MALRD1: variants seen among roughly 807,000 people sequenced by gnomAD.
MALRD1 encodes MAM and LDL-receptor class A domain-containing protein 1.
MALRD1 carries 247 observed loss-of-function variants against 242.1 expected under a neutral mutation model. The ratio of observed to expected loss-of-function variants is 1.02; its 90% CI spans 0.92 to 1.13. The LOEUF (loss-of-function observed/expected upper bound fraction) is 1.13, where lower values mean the gene tolerates loss of function less well. Among genes scored for constraint, MALRD1 ranks in the 50% most tolerant of loss-of-function variants. MALRD1 has a pLI of 0.00. For synonymous variants in MALRD1, 995 were observed against 866.6 expected (o/e 1.15, Z -2.60); for missense variants, 2,989 against 2,533.1 (o/e 1.18, Z -3.86).
intron 26 of MALRD1, among the ~76,000 whole-genome samples, chr10:19,381,359 G>A (rs11814406): frequency 0.1 from 15,788 of 151,568 alleles, 879 homozygotes; most frequent in East Asian, 0.17. Flanking sequence ...GAATAATGCC[G>A]CAATAAACAT....
At chr10:19,073,519 T>G (rs779510013) in intron 2 of MALRD1, among the ~76,000 whole-genome samples, 1 of 152,138 alleles carries the variant, frequency 6.6e-6, no homozygotes, top group African/African-American at 2.4e-5. Flanking sequence ...CTGACGCCTT[T>G]GGTTTCTGAT....
chr10:19,323,906 C>T lies in MALRD1; in HGVS notation c.3420-43C>T, dbSNP rs184077778. On this transcript the variant is annotated intron_variant, in intron 21 of 39. Transcript: ENST00000454679. ...GATTACAGGCGTGAGCCACCGTGCC[C>T]GGCCTCTTATTCCTTTTATAATATG... The T allele has an allele frequency of 1.1e-3, 1,655 of 1,537,816 alleles. 5 individuals carry two copies. Among genetic ancestry groups the T allele is most frequent in the Non-Finnish European group, 1.3e-3 (1,432 of 1,137,234 alleles).
At chr10:19,367,759 T>G (rs1845169425) in intron 26 of MALRD1, among the ~76,000 whole-genome samples, 1 of 152,238 alleles carries the variant, frequency 6.6e-6, no homozygotes, top group Middle Eastern at 3.4e-3. Context: ...CTCTGCATTC[T>G]CACCAGTATT....
At chr10:19,283,550 C>T (rs1840931829) in intron 21 of MALRD1, among the ~76,000 whole-genome samples, 1 of 152,142 alleles carries the variant, frequency 6.6e-6, no homozygotes, top group Non-Finnish European at 1.5e-5. Context: ...CCCATTTCCT[C>T]TTCTTCAGCC....
Position 19,217,018 on chromosome 10 carries a change from T to C in MALRD1, c.2991+7338T>C, listed in dbSNP as rs78491247. Among the ~76,000 whole-genome samples, 2,327 of 152,162 alleles carry C rather than the reference T, an allele frequency of 0.015. 103 individuals carry two copies. The East Asian group carries it at 0.18, about 12-fold the overall frequency. On this transcript the variant is annotated intron_variant, in intron 18 of 39. Coordinates refer to ENST00000454679, the MANE Select transcript of MALRD1 (RefSeq NM_001142308.3). ...AGAGGCCAAACCAATGGCTCTTATA[T>C]ACACGTTCTTTCTTCTAAATGATTT...
intron 38 of MALRD1, among the ~76,000 whole-genome samples, chr10:19,699,318 G>T (rs1833514959): frequency 6.6e-6 from 1 of 151,756 alleles, no homozygotes; most frequent in African/African-American, 2.4e-5. Flanking sequence ...AGGAGGGAAA[G>T]GAGGGAAAGG....
intron 29 of MALRD1, among the ~76,000 whole-genome samples, chr10:19,469,251 C>T (rs1416431931): frequency 4.6e-5 from 7 of 152,078 alleles, no homozygotes; most frequent in African/African-American, 1.7e-4. Flanking sequence ...ACAAAGTAAG[C>T]ATATTACCTG....
chr10:19,719,199 T>TATACACAC (rs1564567216), intron 38 of MALRD1, among the ~76,000 whole-genome samples: 905 of 31,678 alleles, frequency 0.029, 41 homozygotes, highest in African/African-American at 0.12. Context: ...TACATACATA[T>TATACACAC]ATATATATAT....
chr10:19,420,322 G>A (rs1192625978), intron 28 of MALRD1, among the ~76,000 whole-genome samples: 5 of 151,970 alleles, frequency 3.3e-5, no homozygotes, highest in African/African-American at 9.7e-5. Flanking sequence ...GGGTGGAGCC[G>A]GTAATCGAAA....
chr10:19,587,967 C>T (rs1837528000), intron 33 of MALRD1, among the ~76,000 whole-genome samples: 1 of 146,692 alleles, frequency 6.8e-6, no homozygotes, highest in African/African-American at 2.5e-5. Flanking sequence ...TAGTAGAAAA[C>T]AAAAATGGCA....
At chr10:19,608,048 G>C (rs1838721639) in intron 35 of MALRD1, 146 bp downstream of exon 35, 1 of 1,122,524 alleles carries the variant, frequency 8.9e-7, no homozygotes, top group Non-Finnish European at 1.2e-6. Flanking sequence ...CAGAAAGAAT[G>C]TTGACATTAA....
intron 31 of MALRD1, among the ~76,000 whole-genome samples, chr10:19,510,036 G>C (rs183529513): frequency 2.2e-4 from 33 of 152,282 alleles, no homozygotes; most frequent in Middle Eastern, 3.4e-3. Context: ...CAGGACAATA[G>C]GGTAATAGTG....
At chr10:19,498,424 A>G in intron 30 of MALRD1, 61 bp from the exon 31 acceptor site, 2 of 1,395,670 alleles carry the variant, frequency 1.4e-6, no homozygotes, top group Non-Finnish European at 1.9e-6. Flanking sequence ...TCCCAAATAT[A>G]GGGTAGTAGC....
intron 36 of MALRD1, among the ~76,000 whole-genome samples, chr10:19,638,556 C>T (rs747637085): frequency 2.0e-5 from 3 of 152,128 alleles, no homozygotes; most frequent in Non-Finnish European, 4.4e-5. Context: ...AATGGTAGTA[C>T]TGCAAGCAGG....
chr10:19,612,889 C>G (rs572817940), intron 35 of MALRD1, among the ~76,000 whole-genome samples: 3 of 152,110 alleles, frequency 2.0e-5, no homozygotes, highest in South Asian at 4.2e-4. Context: ...CTAGGCCCCA[C>G]CTCTAACACT....
chr10:19,173,557 A>T (rs1364420864), intron 13 of MALRD1, among the ~76,000 whole-genome samples: 1 of 152,138 alleles, frequency 6.6e-6, no homozygotes, highest in Non-Finnish European at 1.5e-5. Context: ...CAACTCATGG[A>T]ATTTTCCTCT....
intron 24 of MALRD1, among the ~76,000 whole-genome samples, chr10:19,334,471 TG>T (rs1202715435): frequency 6.6e-6 from 1 of 151,114 alleles, no homozygotes; most frequent in African/African-American, 2.4e-5. Flanking sequence ...AGATGATAAG[TG>T]TTAACTTTGG....
chr10:19,272,742 CTTG>C (rs1424668116), intron 19 of MALRD1, among the ~76,000 whole-genome samples: 1 of 152,060 alleles, frequency 6.6e-6, no homozygotes, highest in Non-Finnish European at 1.5e-5. Context: ...TCCATGTGTT[CTTG>C]TTGTTCAACT....
chr10:19,419,616 G>A (rs997904163), intron 28 of MALRD1, among the ~76,000 whole-genome samples: 3 of 151,982 alleles, frequency 2.0e-5, no homozygotes, highest in African/African-American at 4.8e-5. Flanking sequence ...CACCATGCCC[G>A]GCTGATTTTC....
Sources: gnomAD v4.1 joint callset for allele counts (sites outside exome capture counted in the v4.1 genomes callset) on GRCh38, gnomAD v4.1.1 for gene constraint, MANE v1.5 for transcripts, NCBI Gene and HGNC (gene_info 2026-07-23, HGNC 2026-07-21) for gene names.